The following IL1RAPL1 variants were observed in gnomAD, a reference collection of about 807,000 sequenced individuals.
IL1RAPL1 encodes the protein interleukin 1 receptor accessory protein like 1, also known as interleukin-1 receptor accessory protein-like 1.
IL1RAPL1 carries 3 observed loss-of-function variants against 48.4 expected under a neutral mutation model. The observed-to-expected ratio is 0.06, with a 90% CI of 0.03 to 0.16. The LOEUF (loss-of-function observed/expected upper bound fraction) is 0.16, where lower values mean the gene tolerates loss of function less well. Ranked by LOEUF, IL1RAPL1 falls within the 10% of genes least tolerant of loss-of-function variation. IL1RAPL1 has a pLI of 1.00. For synonymous variants in IL1RAPL1, 185 were observed against 187.7 expected, an observed-to-expected ratio of 0.99 and a Z score of 0.12; for missense variants, 349 against 530.6, an observed-to-expected ratio of 0.66 and a Z score of 3.36.
At chrX:29,294,502 G>A (rs906009030) in intron 3 of IL1RAPL1, among the ~76,000 whole-genome samples, 78 of 104,783 alleles carry the variant, frequency 7.4e-4, no homozygotes, top group African/African-American at 2.7e-3. Context: ...GGGTGACAGA[G>A]CGAGACTCCA....
intron 2 of IL1RAPL1, among the ~76,000 whole-genome samples, chrX:28,814,593 C>T (rs886115179): frequency 9.1e-6 from 1 of 110,288 alleles, no homozygotes; most frequent in Non-Finnish European, 1.9e-5. Flanking sequence ...TTCTTGTACA[C>T]AGCACATCCT....
intron 2 of IL1RAPL1, among the ~76,000 whole-genome samples, chrX:29,005,475 G>A (rs755806924): frequency 8.9e-6 from 1 of 111,920 alleles, no homozygotes; most frequent in South Asian, 3.7e-4. Flanking sequence ...ACAAGAATGA[G>A]TATATTTTCC....
chrX:28,925,402 C>G (rs181972615), intron 2 of IL1RAPL1, among the ~76,000 whole-genome samples: 8 of 111,740 alleles, frequency 7.2e-5, no homozygotes, highest in African/African-American at 2.6e-4. Flanking sequence ...AATAGTAATT[C>G]TTGAAGTCAA....
chrX:29,250,176 G>T (rs760591159), intron 2 of IL1RAPL1, among the ~76,000 whole-genome samples: 80 of 111,421 alleles, frequency 7.2e-4, no homozygotes, highest in Non-Finnish European at 1.0e-3. Context: ...TGTTTACTGG[G>T]AATATCACAT....
chrX:29,649,530 T>C lies in IL1RAPL1; in HGVS notation c.704-18900T>C, dbSNP rs1043391248. ...TTTCAATAGTTGCAGAAAAAGCATT[T>C]AATAAAATTCAGTATCCTTTCAAGA... On this transcript the variant is annotated intron_variant, in intron 5 of 10. Coordinates refer to ENST00000378993, the MANE Select transcript of IL1RAPL1 (RefSeq NM_014271.4). Among the ~76,000 whole-genome samples, 7 of 111,845 alleles carry C rather than the reference T, an allele frequency of 6.3e-5. No individual in the cohort carries two copies. In the East Asian group the frequency reaches 1.1e-3, roughly 18 times the overall value.
intron 2 of IL1RAPL1, among the ~76,000 whole-genome samples, chrX:29,109,910 G>A (rs1332884195): frequency 9.0e-6 from 1 of 111,694 alleles, no homozygotes; most frequent in Non-Finnish European, 1.9e-5. Flanking sequence ...ATAAAAGAGA[G>A]TTTTACTGGA....
rs140987612 is a variant in IL1RAPL1 at position 28,998,954 on chromosome X, C to G, written c.82+209529C>G. ...GAATTTCACACTTTTCCATACCTTC[C>G]TGTCTCTAGCTCAGGAATTTAGGCA... On this transcript the variant is annotated intron_variant, in intron 2 of 10. Coordinates refer to ENST00000378993, the MANE Select transcript of IL1RAPL1 (RefSeq NM_014271.4). Among the ~76,000 whole-genome samples the G allele has an allele frequency of 4.3e-3, 476 of 111,707 alleles. 4 individuals carry two copies. The highest frequency in any genetic ancestry group is 7.5e-3 in the Non-Finnish European group (398 of 53,073).
intron 2 of IL1RAPL1, among the ~76,000 whole-genome samples, chrX:29,256,695 A>G (rs1931763591): frequency 9.0e-6 from 1 of 111,440 alleles, no homozygotes; most frequent in South Asian, 3.8e-4. Flanking sequence ...TCAGTTTCAC[A>G]GGACCTTATC....
At chrX:28,714,239 T>G (rs963410637) in intron 1 of IL1RAPL1, among the ~76,000 whole-genome samples, 1 of 111,755 alleles carries the variant, frequency 8.9e-6, no homozygotes, top group Non-Finnish European at 1.9e-5. Flanking sequence ...AACTTACACC[T>G]TGCATCATCT....
At chrX:29,427,726 G>A (rs779484386) in intron 5 of IL1RAPL1, among the ~76,000 whole-genome samples, 1 of 111,499 alleles carries the variant, frequency 9.0e-6, no homozygotes, top group African/African-American at 3.3e-5. Flanking sequence ...AACTGGAGAA[G>A]TTATAAATCT....
At chrX:28,672,675 G>C (rs183532093) in intron 1 of IL1RAPL1, among the ~76,000 whole-genome samples, 240 of 111,237 alleles carry the variant, frequency 2.2e-3, no homozygotes, top group African/African-American at 7.6e-3. Context: ...ACAGCTACCT[G>C]CCAGCCCCAT....
chrX:29,639,554 T>G (rs1202114420), intron 5 of IL1RAPL1, among the ~76,000 whole-genome samples: 3 of 108,031 alleles, frequency 2.8e-5, no homozygotes, highest in African/African-American at 6.7e-5. Flanking sequence ...AGTTTTTTTT[T>G]TTTTTTTTTT....
Position 29,867,184 on chromosome X carries a change from G to A in IL1RAPL1, c.779-50280G>A, listed in dbSNP as rs147786225. Among the ~76,000 whole-genome samples the A allele has an allele frequency of 6.7e-3, 748 of 111,472 alleles. 4 individuals carry two copies. The highest frequency in any genetic ancestry group is 0.023 in the African/African-American group (692 of 30,697). On this transcript the variant is annotated intron_variant, in intron 6 of 10. Coordinates refer to ENST00000378993, the MANE Select transcript of IL1RAPL1 (RefSeq NM_014271.4). ...TTACAAGACTCTTAAACTTTTATATGTTTCAGTTAACATTATGAAATAGAC... is the reference window on the plus strand; with the variant it reads ...TTACAAGACTCTTAAACTTTTATATATTTCAGTTAACATTATGAAATAGAC...
chrX:29,923,630 T>C (rs1276090854), intron 8 of IL1RAPL1, among the ~76,000 whole-genome samples: 1 of 112,382 alleles, frequency 8.9e-6, no homozygotes, highest in Admixed American at 9.4e-5. Flanking sequence ...TTCTTGTTAT[T>C]GCTCATACTT....
chrX:28,944,853 G>C (rs1240932747), intron 2 of IL1RAPL1, among the ~76,000 whole-genome samples: 3 of 109,362 alleles, frequency 2.7e-5, no homozygotes, highest in Non-Finnish European at 3.8e-5. Flanking sequence ...AAAAGTCATA[G>C]CATGTCACTT....
chrX:29,538,731 C>G (rs1484047594), intron 5 of IL1RAPL1, among the ~76,000 whole-genome samples: 2 of 109,705 alleles, frequency 1.8e-5, no homozygotes, highest in Non-Finnish European at 3.8e-5. Flanking sequence ...CTCTTTTCAG[C>G]TAGAAAACAA....
chrX:28,874,139 G>C (rs981512706), intron 2 of IL1RAPL1, among the ~76,000 whole-genome samples: 7 of 111,372 alleles, frequency 6.3e-5, no homozygotes, highest in African/African-American at 2.0e-4. Context: ...TGCAGTGTCT[G>C]ACTGTCAACA....
At chrX:29,046,152 A>G (rs956469461) in intron 2 of IL1RAPL1, among the ~76,000 whole-genome samples, 1 of 109,562 alleles carries the variant, frequency 9.1e-6, no homozygotes, top group East Asian at 2.9e-4. Flanking sequence ...AGCTCAATCA[A>G]TCCTCTTGTC....
intron 5 of IL1RAPL1, among the ~76,000 whole-genome samples, chrX:29,561,802 C>T (rs753324330): frequency 1.8e-4 from 20 of 110,783 alleles, no homozygotes; most frequent in Admixed American, 4.8e-4. Context: ...GGGTAGTTGT[C>T]AAAATTGGTG....
Sources: allele counts gnomAD v4.1 joint callset (sites outside exome capture counted in the v4.1 genomes callset), GRCh38; gene constraint gnomAD v4.1.1; transcripts MANE v1.5; gene names NCBI Gene and HGNC (gene_info 2026-07-23, HGNC 2026-07-21).